CACNA1C: variants seen among roughly 807,000 people sequenced by gnomAD.
CACNA1C encodes voltage-dependent L-type calcium channel subunit alpha-1C.
In CACNA1C, 30 loss-of-function variants were observed where a neutral mutation model predicts 229.0. That is an observed-to-expected ratio of 0.13 (90% CI 0.10 to 0.18). The LOEUF (loss-of-function observed/expected upper bound fraction) is 0.18. Ranked by LOEUF, CACNA1C falls within the 10% of genes least tolerant of loss-of-function variation. The pLI, the probability that CACNA1C is intolerant of heterozygous loss-of-function variation, is 1.00. For missense variants in CACNA1C, 1,658 were observed against 2,845.0 expected (o/e 0.58, Z 9.49); for synonymous variants, 1,114 against 1,132.5 (o/e 0.98, Z 0.33).
chr12:2,600,995 G>C lies in CACNA1C; in HGVS notation c.2854-859G>C, dbSNP rs573191072. Among the ~76,000 whole-genome samples, 3 of 152,280 alleles carry C rather than the reference G, an allele frequency of 2.0e-5. 1 individual carries two copies. In the South Asian group the frequency reaches 6.2e-4, roughly 32 times the overall value. The stretch of plus-strand genomic sequence containing the variant: ...GGAAACAGAGGCACTAAGAGAATTT[G>C]AGTTTCTTGCTCCAGGCCACAAAAA... On this transcript the variant is annotated intron_variant, in intron 21 of 46. Coordinates refer to ENST00000399655, the MANE Select transcript of CACNA1C (RefSeq NM_000719.7).
intron 9 of CACNA1C, among the ~76,000 whole-genome samples, chr12:2,517,441 T>C (rs138166603): frequency 2.6e-5 from 4 of 152,320 alleles, no homozygotes; most frequent in African/African-American, 7.2e-5. Context: ...CCACTGCCTC[T>C]GCAATGGGTT....
chr12:2,674,836 G>A (rs1234846638), intron 39 of CACNA1C, among the ~76,000 whole-genome samples, 194 bp downstream of exon 39: 1 of 152,226 alleles, frequency 6.6e-6, no homozygotes, highest in African/African-American at 2.4e-5. Context: ...GGTTAGAAGG[G>A]AGGCAGGTGC....
intron 29 of CACNA1C, among the ~76,000 whole-genome samples, chr12:2,616,452 A>C (rs216011): frequency 6.6e-6 from 1 of 152,144 alleles, no homozygotes; most frequent in African/African-American, 2.4e-5. Context: ...TCCCACTGTC[A>C]GTTGCCCCAG....
intron 3 of CACNA1C, among the ~76,000 whole-genome samples, chr12:2,367,446 T>C (rs1567273563): frequency 1.3e-5 from 2 of 152,090 alleles, no homozygotes; most frequent in Non-Finnish European, 2.9e-5. Context: ...TAAAACAAAA[T>C]GACAGAAGTA....
At chr12:2,220,979 TG>T (rs1385602593) in intron 3 of CACNA1C, 2 of 152,234 alleles carry the variant, frequency 1.3e-5, no homozygotes, top group Non-Finnish European at 2.9e-5. Context: ...CAGAGTTTTG[TG>T]GTAACATGAC....
intron 3 of CACNA1C, among the ~76,000 whole-genome samples, chr12:2,293,414 T>C (rs2093704087): frequency 6.6e-6 from 1 of 152,248 alleles, no homozygotes; most frequent in Non-Finnish European, 1.5e-5. Context: ...CTATAATTAA[T>C]ATTTTTCAGC....
At chr12:2,345,993 G>A (rs1399465067) in intron 3 of CACNA1C, among the ~76,000 whole-genome samples, 3 of 152,214 alleles carry the variant, frequency 2.0e-5, no homozygotes, top group Admixed American at 6.5e-5. Flanking sequence ...TCTGACGCCC[G>A]GGCTTGGTCT....
At chr12:2,289,860 A>G (rs951854403) in intron 3 of CACNA1C, among the ~76,000 whole-genome samples, 1 of 152,196 alleles carries the variant, frequency 6.6e-6, no homozygotes, top group Non-Finnish European at 1.5e-5. Flanking sequence ...CCCTTCTGAT[A>G]AGAGGAAATT....
At chr12:2,170,047 C>G (rs990694767) in intron 3 of CACNA1C, among the ~76,000 whole-genome samples, 1 of 152,134 alleles carries the variant, frequency 6.6e-6, no homozygotes, top group Non-Finnish European at 1.5e-5. Flanking sequence ...AGGCTCTCTG[C>G]CTGGTTTTTT....
At chr12:2,453,585 A>T (rs147956055) in intron 4 of CACNA1C, among the ~76,000 whole-genome samples, 31 of 152,014 alleles carry the variant, frequency 2.0e-4, no homozygotes, top group Non-Finnish European at 4.0e-4. Flanking sequence ...AAAAGCCCAA[A>T]ATTATTGAGT....
At chr12:2,077,946 G>C (rs998087257) in intron 1 of CACNA1C, among the ~76,000 whole-genome samples, 1 of 152,226 alleles carries the variant, frequency 6.6e-6, no homozygotes, top group African/African-American at 2.4e-5. Flanking sequence ...ACATAAAAAT[G>C]AAATCTAAGA....
rs1189362039 is a variant in CACNA1C at position 2,469,722 on chromosome 12, T to C, written c.757+12016T>C. The stretch of plus-strand genomic sequence containing the variant: ...AAAGTATAATGCCTTCTTCAGGCTG[T>C]TTTTACTAGACCATATAGTCCTACT... On this transcript the variant is annotated intron_variant, in intron 5 of 46. Transcript: ENST00000399655. Among the ~76,000 whole-genome samples the C allele has an allele frequency of 2.0e-5, 3 of 152,212 alleles. 1 individual carries two copies. Among genetic ancestry groups the C allele is most frequent in the Admixed American group, 2.0e-4 (3 of 15,276 alleles).
At chr12:2,313,648 G>A (rs1308056101) in intron 3 of CACNA1C, among the ~76,000 whole-genome samples, 2 of 152,148 alleles carry the variant, frequency 1.3e-5, no homozygotes, top group Admixed American at 6.5e-5. Context: ...TGACTTAAAA[G>A]CAGTGGAGCC....
At chr12:2,548,521 G>A (rs1016430158) in intron 9 of CACNA1C, among the ~76,000 whole-genome samples, 1 of 152,122 alleles carries the variant, frequency 6.6e-6, no homozygotes, top group Non-Finnish European at 1.5e-5. Flanking sequence ...AGGAGGACGA[G>A]TTAGAGCCAG....
intron 3 of CACNA1C, among the ~76,000 whole-genome samples, chr12:2,204,516 C>T (rs1205051737): frequency 1.3e-5 from 2 of 150,994 alleles, no homozygotes; most frequent in African/African-American, 4.9e-5. Context: ...CAGCATTATT[C>T]ACAATAGCAA....
rs1225053356 is a variant in CACNA1C, at chr12:2,348,813, A to G, written c.478-100163A>G. ...TTGCTCATGGCTGGACTTCCCAGAC[A>G]CAGGGTGGGGCTGTTGGATGTTACC... On this transcript the variant is annotated intron_variant, in intron 3 of 46. Coordinates refer to ENST00000399655, the MANE Select transcript of CACNA1C (RefSeq NM_000719.7). The surrounding 1 kb of genome is among the most constrained non-coding windows in gnomAD (Gnocchi z 4.7). Among the ~76,000 whole-genome samples, 1 of 152,134 alleles carries G rather than the reference A, an allele frequency of 6.6e-6. No homozygotes were observed. The highest frequency in any genetic ancestry group is 2.4e-5 in the African/African-American group (1 of 41,436).
chr12:2,145,136 A>G (rs1333188874), intron 3 of CACNA1C, among the ~76,000 whole-genome samples: 1 of 151,352 alleles, frequency 6.6e-6, no homozygotes, highest in African/African-American at 2.4e-5. Flanking sequence ...GCCTGCTGTC[A>G]TTACCTATTA....
At chr12:2,525,552 A>G (rs1259506859) in intron 9 of CACNA1C, among the ~76,000 whole-genome samples, 2 of 152,250 alleles carry the variant, frequency 1.3e-5, no homozygotes, top group Middle Eastern at 3.4e-3. Context: ...TTGGCATTCC[A>G]AGGCCTGTTT....
At chr12:1,998,247 C>T (rs1356747131) in intron 1 of CACNA1C, among the ~76,000 whole-genome samples, 1 of 152,186 alleles carries the variant, frequency 6.6e-6, no homozygotes, top group African/African-American at 2.4e-5. Flanking sequence ...GCAGCATACC[C>T]TTAGCTGAAA....
Sources: gnomAD v4.1 joint callset for allele counts (sites outside exome capture counted in the v4.1 genomes callset) on GRCh38, gnomAD v4.1.1 for gene constraint, Gnocchi (gnomAD v3.1) non-coding constraint, MANE v1.5 for transcripts, NCBI Gene and HGNC (gene_info 2026-07-23, HGNC 2026-07-21) for gene names.